The following LRRIQ3 variants were observed in gnomAD, a reference collection of about 807,000 sequenced individuals.
The protein encoded by LRRIQ3 is leucine rich repeats and IQ motif containing 3, also known as leucine-rich repeat and IQ domain-containing protein 3.
A neutral mutation model predicts 59.3 loss-of-function variants in LRRIQ3; 75 were observed. The ratio of observed to expected loss-of-function variants is 1.26; its 90% CI spans 1.05 to 1.53. The LOEUF (loss-of-function observed/expected upper bound fraction) is 1.53. LRRIQ3 is among the 40% of genes most tolerant of loss of function. The probability of loss-of-function intolerance (pLI) is 0.00; values close to 1 mark genes in which losing one functional copy is unlikely to be tolerated. For missense variants in LRRIQ3, 831 were observed against 710.0 expected (o/e 1.17, Z -1.94); for synonymous variants, 250 against 231.3 (o/e 1.08, Z -0.73).
Position 74,066,120 on chromosome 1 carries a change from AG to A in LRRIQ3, c.997+8540del, listed in dbSNP as rs1654858783. 7.3e-5 allele frequency among the ~76,000 whole-genome samples: 11 copies of A among 151,220 alleles called. No individual in the cohort carries two copies. In the South Asian group the frequency reaches 2.1e-3, roughly 29 times the overall value. ...AGAATCACTTGAACCCGGGAGGCAGAGGTAACAGTGAGCCAAGATCATGCCA... is the reference window on the plus strand; with the variant it reads ...AGAATCACTTGAACCCGGGAGGCAGAGTAACAGTGAGCCAAGATCATGCCA... On this transcript the variant is annotated intron_variant, in intron 6 of 7. Transcript: ENST00000354431.
At chr1:74,147,247 C>A (rs988393442) in intron 4 of LRRIQ3, among the ~76,000 whole-genome samples, 6 of 152,034 alleles carry the variant, frequency 3.9e-5, no homozygotes, top group Admixed American at 2.6e-4. Flanking sequence ...GAATTGCCTA[C>A]GAACAAGAAA....
intron 4 of LRRIQ3, among the ~76,000 whole-genome samples, chr1:74,111,718 T>C (rs1029258905): frequency 6.6e-6 from 1 of 152,080 alleles, no homozygotes; most frequent in Non-Finnish European, 1.5e-5. Context: ...CAGTGAATCT[T>C]TGCCATTTAA....
intron 5 of LRRIQ3, among the ~76,000 whole-genome samples, chr1:74,096,484 C>G (rs1646450953): frequency 6.6e-6 from 1 of 152,048 alleles, no homozygotes; most frequent in Admixed American, 6.6e-5. Context: ...CATGAAAATT[C>G]TCAAGGTTAT....
In LRRIQ3 at chr1:74,183,526, T is replaced by C. The variant is rs1273180243; in HGVS notation, c.159A>G (p.Arg53=). Residue 53 remains arginine, a synonymous_variant, in exon 2 of 8, where the codon AGA becomes AGG. Coordinates refer to ENST00000354431, the MANE Select transcript of LRRIQ3 (RefSeq NM_001105659.2). ...MENLQSCISL[R]VCIFSNNFIT... ...TAAAATTGTTTGAGAAGATGCATAC[T>C]CTAAGAGAGATGCAAGACTGCAAAT... 4 of 1,611,940 alleles carry C rather than the reference T, an allele frequency of 2.5e-6. No individual in the cohort carries two copies. Among genetic ancestry groups the C allele is most frequent in the Non-Finnish European group, 3.4e-6 (4 of 1,178,660 alleles).
intron 4 of LRRIQ3, among the ~76,000 whole-genome samples, chr1:74,123,319 T>A (rs1646888937): frequency 6.6e-6 from 1 of 152,024 alleles, no homozygotes; most frequent in Admixed American, 6.6e-5. Context: ...ACACATATTC[T>A]TTCAGTTATT....
At chr1:74,119,788 C>A (rs891480190) in intron 4 of LRRIQ3, among the ~76,000 whole-genome samples, 1 of 152,080 alleles carries the variant, frequency 6.6e-6, no homozygotes, top group Admixed American at 6.6e-5. Context: ...CATCTGATTT[C>A]TCTATCCCTG....
intron 6 of LRRIQ3, among the ~76,000 whole-genome samples, chr1:74,061,813 T>C (rs1654729509): frequency 6.6e-6 from 1 of 152,124 alleles, no homozygotes; most frequent in African/African-American, 2.4e-5. Context: ...GTCCGGTGAA[T>C]TGCTTGAGCT....
chr1:74,161,968 G>A (rs571065223), intron 3 of LRRIQ3, among the ~76,000 whole-genome samples: 2 of 151,816 alleles, frequency 1.3e-5, no homozygotes, highest in East Asian at 3.9e-4. Flanking sequence ...CATTAAAGAA[G>A]TGACGGCTCT....
chr1:74,094,882 G>T (rs10749828), intron 5 of LRRIQ3: 124,195 of 151,984 alleles, frequency 0.82, 52,654 homozygotes, highest in East Asian at 0.97. Context: ...AAAAGGTACA[G>T]GCAAATGTTT....
intron 4 of LRRIQ3, chr1:74,144,549 TAA>T (rs5775227): frequency 0.017 from 2,348 of 138,810 alleles, no homozygotes; most frequent in South Asian, 0.058. Flanking sequence ...TAACAGTCTG[TAA>T]AAAAAAAAAA....
chr1:74,076,922 T>C (rs929738667), intron 5 of LRRIQ3, among the ~76,000 whole-genome samples: 1 of 152,090 alleles, frequency 6.6e-6, no homozygotes, highest in Non-Finnish European at 1.5e-5. Flanking sequence ...GAAACACAAA[T>C]AAGTACTTTT....
At chr1:74,093,955 T>C (rs1480279364) in intron 5 of LRRIQ3, among the ~76,000 whole-genome samples, 2 of 152,106 alleles carry the variant, frequency 1.3e-5, no homozygotes, top group Non-Finnish European at 2.9e-5. Flanking sequence ...ATAGACTGAC[T>C]GGCTTAAAAC....
rs527635130 is a variant in LRRIQ3 at position 74,197,053 on chromosome 1, G to A, written c.-1+943C>T. Among the ~76,000 whole-genome samples the A allele has an allele frequency of 2.6e-5, 4 of 152,106 alleles. No homozygotes were observed. In the South Asian group the frequency reaches 8.3e-4, roughly 32 times the overall value. On this transcript the variant is annotated intron_variant, in intron 1 of 7. Coordinates refer to ENST00000354431, the MANE Select transcript of LRRIQ3 (RefSeq NM_001105659.2). ...TTTGGTTACTTTCACTCAAGTCTCT[G>A]TATTTTCTAAATGTTCTTCAATAAG...
At chr1:74,126,753 GT>G (rs1013976659) in intron 4 of LRRIQ3, among the ~76,000 whole-genome samples, 1 of 151,854 alleles carries the variant, frequency 6.6e-6, no homozygotes, top group Non-Finnish European at 1.5e-5. Context: ...TTTAAGACTT[GT>G]TTTGTTGTCT....
At position 74,092,599 on chromosome 1, in the gene LRRIQ3, T is replaced by G. The variant is rs141437332; in HGVS notation, c.867+16795A>C. 2.6e-5 allele frequency among the ~76,000 whole-genome samples: 4 copies of G among 152,102 alleles called. No homozygotes were observed. In the East Asian group the frequency reaches 7.8e-4, roughly 30 times the overall value. ...TTTTCAAACAAATACCGTAATTGAG[T>G]GTGTCTTAGATGTTACTTGTAGCTT... is the stretch of plus-strand genomic sequence containing the variant. On this transcript the variant is annotated intron_variant, in intron 5 of 7. Transcript: ENST00000354431.
intron 3 of LRRIQ3, among the ~76,000 whole-genome samples, chr1:74,172,298 G>T (rs567536044): frequency 6.1e-4 from 92 of 152,062 alleles, no homozygotes; most frequent in African/African-American, 2.0e-3. Flanking sequence ...ACAAATTTTA[G>T]TAAGTTCATT....
chr1:74,050,515 T>C, intron 6 of LRRIQ3: 5 of 985,344 alleles, frequency 5.1e-6, no homozygotes, highest in Non-Finnish European at 4.8e-6. Context: ...CCAATACCAT[T>C]TGTGGTCAAC....
intron 4 of LRRIQ3, among the ~76,000 whole-genome samples, chr1:74,154,626 C>A (rs371137768): frequency 6.6e-6 from 1 of 152,072 alleles, no homozygotes; most frequent in Non-Finnish European, 1.5e-5. Context: ...AGAAAAAAAT[C>A]CCTGGGAAAT....
chr1:74,030,537 G>C (rs993064572), intron 7 of LRRIQ3, among the ~76,000 whole-genome samples: 9 of 151,958 alleles, frequency 5.9e-5, no homozygotes, highest in African/African-American at 9.7e-5. Context: ...ACAAATGGTG[G>C]TGGGAAAACT....
Sources: allele counts gnomAD v4.1 joint callset (sites outside exome capture counted in the v4.1 genomes callset), GRCh38; gene constraint gnomAD v4.1.1; transcripts MANE v1.5; gene names NCBI Gene and HGNC (gene_info 2026-07-23, HGNC 2026-07-21).